The following DIS3L2 variants were observed in gnomAD, a reference collection of about 807,000 sequenced individuals.
The protein encoded by DIS3L2 is DIS3-like exonuclease 2.
Under a neutral mutation model 97.5 loss-of-function variants are expected in DIS3L2, and 34 were observed. That is an observed-to-expected ratio of 0.35 (90% CI 0.27 to 0.46). DIS3L2 has a LOEUF of 0.46. Ranked by LOEUF, DIS3L2 falls within the 20% of genes least tolerant of loss-of-function variation. The probability of loss-of-function intolerance (pLI) is 1.00; values close to 1 mark genes in which losing one functional copy is unlikely to be tolerated. For synonymous variants in DIS3L2, 435 were observed against 445.2 expected (o/e 0.98, Z 0.29); for missense variants, 1,038 against 1,146.0 (o/e 0.91, Z 1.36).
At chr2:232,051,162 G>A (rs919434599) in intron 5 of DIS3L2, among the ~76,000 whole-genome samples, 1 of 152,222 alleles carries the variant, frequency 6.6e-6, no homozygotes, top group South Asian at 2.1e-4. Flanking sequence ...TTAGATTGGG[G>A]TCTCCATTCT....
intron 10 of DIS3L2, among the ~76,000 whole-genome samples, chr2:232,227,293 C>G (rs2106239847): frequency 6.6e-6 from 1 of 152,270 alleles, no homozygotes; most frequent in East Asian, 1.9e-4. Context: ...TTGTCAAGAA[C>G]CCGATGCTGA....
chr2:232,303,214 A>C (rs1694906931), intron 14 of DIS3L2, among the ~76,000 whole-genome samples: 1 of 152,184 alleles, frequency 6.6e-6, no homozygotes, highest in Non-Finnish European at 1.5e-5. Flanking sequence ...CTCACTCATG[A>C]GTTATGAAGC....
At chr2:232,250,767 C>T (rs1693394530) in intron 12 of DIS3L2, among the ~76,000 whole-genome samples, 2 of 152,090 alleles carry the variant, frequency 1.3e-5, no homozygotes, top group Non-Finnish European at 2.9e-5. Context: ...GCATACTGAA[C>T]GTTAAGAGTG....
At chr2:232,094,656 C>G (rs1039390394) in intron 6 of DIS3L2, among the ~76,000 whole-genome samples, 1 of 145,492 alleles carries the variant, frequency 6.9e-6, no homozygotes, top group East Asian at 2.0e-4. Context: ...GAGGCAGAGG[C>G]TGCAGGGAGC....
chr2:232,306,194 T>C (rs933146333), intron 14 of DIS3L2, among the ~76,000 whole-genome samples: 3 of 152,228 alleles, frequency 2.0e-5, no homozygotes, highest in Non-Finnish European at 4.4e-5. Flanking sequence ...CCATTTCTCA[T>C]AGGAGATGCC....
intron 13 of DIS3L2, among the ~76,000 whole-genome samples, chr2:232,342,258 CACATACACAT>C (rs1215211250): frequency 4.8e-5 from 7 of 145,658 alleles, no homozygotes; most frequent in African/African-American, 1.5e-4. Flanking sequence ...TACACATACA[CACATACACAT>C]ATACATATAT....
intron 10 of DIS3L2, among the ~76,000 whole-genome samples, chr2:232,215,913 G>A (rs1692320070): frequency 6.6e-6 from 1 of 152,152 alleles, no homozygotes; most frequent in African/African-American, 2.4e-5. Flanking sequence ...TAGCAGCCAG[G>A]CCAGACCCTC....
chr2:232,264,511 A>G (rs1447588305), intron 13 of DIS3L2, among the ~76,000 whole-genome samples: 2 of 152,120 alleles, frequency 1.3e-5, no homozygotes, highest in East Asian at 1.9e-4. Context: ...AGGAGAGACT[A>G]TGTTTTGTAT....
At chr2:232,287,802 C>A (rs770232820) in intron 13 of DIS3L2, among the ~76,000 whole-genome samples, 1 of 152,082 alleles carries the variant, frequency 6.6e-6, no homozygotes, top group African/African-American at 2.4e-5. Flanking sequence ...TCACAATACG[C>A]GTGGGTTCTT....
intron 6 of DIS3L2, among the ~76,000 whole-genome samples, chr2:232,097,861 T>C (rs1170699188): frequency 6.6e-6 from 1 of 152,184 alleles, no homozygotes; most frequent in Non-Finnish European, 1.5e-5. Context: ...ATGCTGTGTC[T>C]AACCTTAAGC....
intron 1 of DIS3L2, among the ~76,000 whole-genome samples, chr2:231,972,464 ATC>A (rs1481922689): frequency 6.6e-6 from 1 of 152,204 alleles, no homozygotes; most frequent in Admixed American, 6.5e-5. Flanking sequence ...CTTCCCTATA[ATC>A]TTATGGGACT....
At chr2:232,229,581 T>C (rs1692737968) in intron 10 of DIS3L2, among the ~76,000 whole-genome samples, 1 of 152,222 alleles carries the variant, frequency 6.6e-6, no homozygotes, top group East Asian at 1.9e-4. Context: ...TTCTCTTTCC[T>C]GTTAATGAAG....
chr2:232,024,765 G>A (rs976966693), intron 4 of DIS3L2, among the ~76,000 whole-genome samples: 3 of 150,686 alleles, frequency 2.0e-5, no homozygotes, highest in African/African-American at 7.3e-5. Context: ...TTTTTTTGGT[G>A]GGGGTCAGAG....
intron 1 of DIS3L2, among the ~76,000 whole-genome samples, chr2:232,011,504 C>T (rs924114248): frequency 2.0e-5 from 3 of 151,960 alleles, no homozygotes; most frequent in African/African-American, 7.3e-5. Context: ...AGGCGTGCAC[C>T]ACCACGCACA....
chr2:232,196,637 T>A (rs1691764555), intron 9 of DIS3L2, among the ~76,000 whole-genome samples: 1 of 152,090 alleles, frequency 6.6e-6, no homozygotes. Context: ...GATTCATTGT[T>A]GTGGACTCTC....
At chr2:232,239,368 G>A (rs1337826326) in intron 11 of DIS3L2, among the ~76,000 whole-genome samples, 2 of 152,182 alleles carry the variant, frequency 1.3e-5, no homozygotes, top group African/African-American at 4.8e-5. Flanking sequence ...GGTCACTGCA[G>A]TAGGCCTCAG....
chr2:232,313,292 TTTTTAAG>T (rs1016851278), intron 14 of DIS3L2, among the ~76,000 whole-genome samples: 3 of 152,236 alleles, frequency 2.0e-5, no homozygotes, highest in Non-Finnish European at 2.9e-5. Flanking sequence ...TGGGAACTTT[TTTTTAAG>T]TTTTAAGTGG....
At chr2:232,289,156 C>G (rs1314764981) in intron 13 of DIS3L2, among the ~76,000 whole-genome samples, 1 of 152,088 alleles carries the variant, frequency 6.6e-6, no homozygotes, top group Non-Finnish European at 1.5e-5. Flanking sequence ...AAAGCAGCTT[C>G]TCACTTAAGG....
In DIS3L2 at chr2:232,314,430, AGGCCCCGGAGGCCTCAG is replaced by A. The variant is rs1420208796; in HGVS notation, c.1739+14317_1739+14333del. On this transcript the variant is annotated intron_variant, in intron 14 of 20. Coordinates refer to ENST00000325385, the MANE Select transcript of DIS3L2 (RefSeq NM_152383.5). The stretch of plus-strand genomic sequence containing the variant: ...GAGAGGGTCGAGACCCAAACCGAGC[AGGCCCCGGAGGCCTCAG>A]GGCCCTGGGGCTGAAGGGAGCTCCC... Among the ~76,000 whole-genome samples the A allele has an allele frequency of 2.6e-5, 4 of 152,216 alleles. 1 individual carries two copies. The highest frequency in any genetic ancestry group is 4.8e-5 in the African/African-American group (2 of 41,464).
Sources: gnomAD v4.1 joint callset for allele counts (sites outside exome capture counted in the v4.1 genomes callset) on GRCh38, gnomAD v4.1.1 for gene constraint, MANE v1.5 for transcripts, NCBI Gene and HGNC (gene_info 2026-07-23, HGNC 2026-07-21) for gene names.